UBASH3B: variants seen among roughly 807,000 people sequenced by gnomAD.
UBASH3B encodes the protein ubiquitin associated and SH3 domain containing B, also known as ubiquitin-associated and SH3 domain-containing protein B.
In UBASH3B, 37 loss-of-function variants were observed where a neutral mutation model predicts 83.4. The ratio of observed to expected loss-of-function variants is 0.44; its 90% CI spans 0.34 to 0.58. The LOEUF is 0.58. Among genes scored for constraint, UBASH3B ranks in the 20% least tolerant of loss-of-function variants. The probability of loss-of-function intolerance (pLI) is 0.01; values close to 1 mark genes in which losing one functional copy is unlikely to be tolerated. For synonymous variants in UBASH3B, 304 were observed against 318.3 expected, an observed-to-expected ratio of 0.96 and a Z score of 0.48; for missense variants, 657 against 827.2, an observed-to-expected ratio of 0.79 and a Z score of 2.52.
At chr11:122,729,643 G>T (rs1222677930) in intron 1 of UBASH3B, among the ~76,000 whole-genome samples, 1 of 151,796 alleles carries the variant, frequency 6.6e-6, no homozygotes, top group African/African-American at 2.4e-5. Context: ...GGAGTAAAAT[G>T]ATATAATACC....
At chr11:122,746,420 T>C (rs950826324) in intron 1 of UBASH3B, among the ~76,000 whole-genome samples, 1 of 152,172 alleles carries the variant, frequency 6.6e-6, no homozygotes, top group Non-Finnish European at 1.5e-5. Flanking sequence ...ACGCGGAAGT[T>C]ATCTGAGGTA....
chr11:122,663,977 C>T (rs944008195), intron 1 of UBASH3B, among the ~76,000 whole-genome samples: 1 of 152,176 alleles, frequency 6.6e-6, no homozygotes, highest in Non-Finnish European at 1.5e-5. Flanking sequence ...GAAATGAGGT[C>T]GGTATTAGTG....
At chr11:122,697,875 G>A (rs1189094250) in intron 1 of UBASH3B, among the ~76,000 whole-genome samples, 1 of 152,184 alleles carries the variant, frequency 6.6e-6, no homozygotes, top group Non-Finnish European at 1.5e-5. Flanking sequence ...CCAAGGGGGA[G>A]TATATTTATA....
At chr11:122,762,101 C>T (rs1452734562) in intron 1 of UBASH3B, among the ~76,000 whole-genome samples, 8 of 152,074 alleles carry the variant, frequency 5.3e-5, no homozygotes, top group African/African-American at 1.4e-4. Context: ...CGGTTTTCGC[C>T]ATTACCGTCA....
intron 1 of UBASH3B, among the ~76,000 whole-genome samples, chr11:122,658,253 A>T (rs1370442028): frequency 6.6e-6 from 1 of 152,016 alleles, no homozygotes; most frequent in African/African-American, 2.4e-5. Context: ...GCATAGTCTC[A>T]GGCTACTGCC....
intron 1 of UBASH3B, among the ~76,000 whole-genome samples, chr11:122,657,579 T>C (rs1863381203): frequency 6.6e-6 from 1 of 152,206 alleles, no homozygotes; most frequent in African/African-American, 2.4e-5. Flanking sequence ...AATAACTTTA[T>C]GTCTCCCCTC....
chr11:122,703,324 G>A (rs1864070827), intron 1 of UBASH3B, among the ~76,000 whole-genome samples: 1 of 152,076 alleles, frequency 6.6e-6, no homozygotes, highest in Non-Finnish European at 1.5e-5. Context: ...CTACTCGGGA[G>A]GCTGAGGCAG....
At chr11:122,701,415 G>A (rs549267362) in intron 1 of UBASH3B, among the ~76,000 whole-genome samples, 5 of 152,316 alleles carry the variant, frequency 3.3e-5, no homozygotes, top group South Asian at 4.2e-4. Flanking sequence ...TAATGAGAAC[G>A]AGGCTCTTGC....
chr11:122,751,998 T>TA (rs1219955047), intron 1 of UBASH3B, among the ~76,000 whole-genome samples: 2 of 152,002 alleles, frequency 1.3e-5, no homozygotes, highest in Admixed American at 6.5e-5. Context: ...ACCTAAAGTA[T>TA]AAAAAAAGGG....
Position 122,793,168 on chromosome 11 carries a change from A to G in UBASH3B, c.981-1534A>G, listed in dbSNP as rs529817651. On this transcript the variant is annotated intron_variant, in intron 6 of 13. Transcript: ENST00000284273. ...GGAGGCCAAGCAGGCAGATCACCTG[A>G]GGTCAGGAGTTTGAGACCAGCCTGG... Among the ~76,000 whole-genome samples, 33 of 152,334 alleles carry G rather than the reference A, an allele frequency of 2.2e-4. No individual in the cohort carries two copies. In the South Asian group the frequency reaches 6.8e-3, roughly 32 times the overall value.
intron 6 of UBASH3B, among the ~76,000 whole-genome samples, chr11:122,793,311 G>A (rs1422898117): frequency 6.6e-6 from 1 of 152,160 alleles, no homozygotes; most frequent in Non-Finnish European, 1.5e-5. Context: ...TGAACCTGCA[G>A]GGTGGAGGTT....
Position 122,661,846 on chromosome 11 carries a change from G to A in UBASH3B, c.161+5636G>A, listed in dbSNP as rs1319180151. Among the ~76,000 whole-genome samples, 10 of 141,670 alleles carry A rather than the reference G, an allele frequency of 7.1e-5. 1 individual carries two copies. Among genetic ancestry groups the A allele is most frequent in the Admixed American group, 2.2e-4 (3 of 13,854 alleles). The allele number at this position is 141,670 out of a possible 152,430, so 92.9% of individuals were successfully genotyped here. On this transcript the variant is annotated intron_variant, in intron 1 of 13. Coordinates refer to ENST00000284273, the MANE Select transcript of UBASH3B (RefSeq NM_032873.5). ...GTCTCCTGAACTTTCCAGGCTACAC[G>A]AGGTCCTGGTTCCAAAAAAAAAAAA...
intron 1 of UBASH3B, among the ~76,000 whole-genome samples, chr11:122,686,394 C>A (rs554983693): frequency 1.3e-5 from 2 of 152,210 alleles, no homozygotes; most frequent in Non-Finnish European, 2.9e-5. Flanking sequence ...AGAGGAAGCA[C>A]AAGGCTTGAC....
chr11:122,689,076 A>G (rs1863852046), intron 1 of UBASH3B, among the ~76,000 whole-genome samples: 1 of 151,942 alleles, frequency 6.6e-6, no homozygotes. Context: ...CTGGGATTAC[A>G]GGTGTGAGCC....
At chr11:122,807,754 A>G (rs1198980628) in intron 12 of UBASH3B, among the ~76,000 whole-genome samples, 1 of 152,000 alleles carries the variant, frequency 6.6e-6, no homozygotes, top group Admixed American at 6.5e-5. Flanking sequence ...GGGTCTCACT[A>G]TGTTGCTCAG....
chr11:122,772,805 GTTC>G (rs1160702163), intron 1 of UBASH3B, among the ~76,000 whole-genome samples: 1 of 152,150 alleles, frequency 6.6e-6, no homozygotes, highest in South Asian at 2.1e-4. Flanking sequence ...TCTTTGTGCT[GTTC>G]TTCTCCATCC....
At chr11:122,692,150 G>A (rs1475474802) in intron 1 of UBASH3B, among the ~76,000 whole-genome samples, 1 of 152,154 alleles carries the variant, frequency 6.6e-6, no homozygotes, top group Non-Finnish European at 1.5e-5. Flanking sequence ...TACCTCACAA[G>A]ATGGGGATAA....
At chr11:122,686,434 C>T (rs532844704) in intron 1 of UBASH3B, among the ~76,000 whole-genome samples, 1 of 150,506 alleles carries the variant, frequency 6.6e-6, no homozygotes, top group African/African-American at 2.4e-5. Flanking sequence ...AGCAAGCGTT[C>T]CTCCTAACCG....
At chr11:122,790,081 GGTTT>G in intron 6 of UBASH3B, among the ~76,000 whole-genome samples, 1 of 152,220 alleles carries the variant, frequency 6.6e-6, no homozygotes, top group Non-Finnish European at 1.5e-5. Context: ...TCTGCATGCT[GGTTT>G]GTTTTTCTCC....
Sources: gnomAD v4.1 joint callset for allele counts (sites outside exome capture counted in the v4.1 genomes callset) on GRCh38, gnomAD v4.1.1 for gene constraint, MANE v1.5 for transcripts, NCBI Gene and HGNC (gene_info 2026-07-23, HGNC 2026-07-21) for gene names.